Variants in OOSP1 observed in about 807,000 individuals in gnomAD.
The protein encoded by OOSP1 is putative oocyte-secreted protein 1 homolog.
In OOSP1, 11 loss-of-function variants were observed where a neutral mutation model predicts 5.7. The observed-to-expected ratio is 1.94, with a 90% confidence interval of 1.22 to 3.20. The LOEUF is 3.20. Among genes scored for constraint, OOSP1 ranks in the 30% most tolerant of loss-of-function variants. The probability of loss-of-function intolerance (pLI) is 0.00; values close to 1 mark genes in which losing one functional copy is unlikely to be tolerated. For missense variants in OOSP1, 83 were observed against 54.1 expected, an observed-to-expected ratio of 1.53 and a Z score of -1.67; for synonymous variants, 44 against 20.0, an observed-to-expected ratio of 2.20 and a Z score of -3.20.
chr11:59,940,836 C>A (rs987534570), intron 1 of OOSP1, among the ~76,000 whole-genome samples: 1 of 152,190 alleles, frequency 6.6e-6, no homozygotes, highest in Non-Finnish European at 1.5e-5. Flanking sequence ...ATTTAAGGAA[C>A]GTCTTATTTT....
intron 3 of OOSP1, among the ~76,000 whole-genome samples, 187 bp from the exon 4 acceptor site, chr11:59,947,546 C>A (rs570622206): frequency 2.0e-5 from 3 of 152,186 alleles, no homozygotes; most frequent in African/African-American, 7.2e-5. Flanking sequence ...TAAGTCTTTG[C>A]TTCTTAGCAC....
chr11:59,949,535 A>G (rs1033771302), intron 4 of OOSP1, among the ~76,000 whole-genome samples: 1 of 152,168 alleles, frequency 6.6e-6, no homozygotes, highest in Non-Finnish European at 1.5e-5. Flanking sequence ...CAGCTGATGT[A>G]AAGTCACTGA....
intron 1 of OOSP1, among the ~76,000 whole-genome samples, chr11:59,942,128 G>T (rs898007286): frequency 6.6e-6 from 1 of 152,050 alleles, no homozygotes; most frequent in Non-Finnish European, 1.5e-5. Context: ...TTTTCCTTTA[G>T]TGAAGTCTAG....
At chr11:59,942,759 T>A in intron 1 of OOSP1, 88 bp from the exon 2 acceptor site, 2 of 614,928 alleles carry the variant, frequency 3.3e-6, no homozygotes, top group Non-Finnish European at 5.8e-6. Flanking sequence ...GGATGATCTC[T>A]TCATTTGTAT....
rs190295744 is a variant in OOSP1 at position 59,942,870 on chromosome 11, T to G, written c.100T>G (p.Phe34Val). 4 of 702,772 alleles carry G rather than the reference T, an allele frequency of 5.7e-6. No individual in the cohort carries two copies. In the East Asian group the frequency reaches 1.1e-4, roughly 19 times the overall value. The allele number at this position is 702,772 out of a possible 1,614,324, so 43.5% of individuals were successfully genotyped here. A position where few individuals can be genotyped will look rare whatever the true frequency, so the allele number is the denominator to read the frequency against. The change falls in exon 2 of 5, where the codon TTT becomes GTT. Residue 34 changes from phenylalanine to valine, a missense_variant. By Grantham distance (50) the Phe-to-Val change is conservative. Transcript: ENST00000646685. Reference sequence around the variant, plus strand: ...AGCTATTCAAGTACACTGCACCCAGTTTTGGTTCTTTGCCAGGATTAAACC... The same window carrying G: ...AGCTATTCAAGTACACTGCACCCAGGTTTGGTTCTTTGCCAGGATTAAACC...
At chr11:59,940,816 CTGGT>C (rs1289221314) in intron 1 of OOSP1, among the ~76,000 whole-genome samples, 1 of 152,154 alleles carries the variant, frequency 6.6e-6, no homozygotes, top group African/African-American at 2.4e-5. Flanking sequence ...ATATGAATAA[CTGGT>C]TTTACATTTA....
chr11:59,939,745 T>C (rs1480547540), intron 1 of OOSP1, among the ~76,000 whole-genome samples: 1 of 151,842 alleles, frequency 6.6e-6, no homozygotes, highest in Non-Finnish European at 1.5e-5. Context: ...CTCTTTTTTC[T>C]TTTTCTCTTC....
intron 3 of OOSP1, among the ~76,000 whole-genome samples, chr11:59,946,236 C>T (rs928761384): frequency 5.9e-5 from 9 of 152,190 alleles, no homozygotes; most frequent in African/African-American, 1.4e-4. Context: ...ATCTAGGTTG[C>T]GCACTCCTTA....
intron 4 of OOSP1, 146 bp from the exon 5 acceptor site, chr11:59,957,049 T>C (rs1046506254): frequency 7.9e-6 from 3 of 381,346 alleles, no homozygotes; most frequent in Non-Finnish European, 1.4e-5. Context: ...TAACAGATCA[T>C]CTAATTTTAA....
chr11:59,954,958 A>C (rs1163622718), intron 4 of OOSP1, among the ~76,000 whole-genome samples: 2 of 152,060 alleles, frequency 1.3e-5, no homozygotes, highest in Admixed American at 6.6e-5. Context: ...TCAGAAATCA[A>C]GAATCCTTTT....
rs544604769 is a variant in OOSP1, at chr11:59,944,459, T to C, written c.259-710T>C. Among the ~76,000 whole-genome samples the C allele has an allele frequency of 7.2e-5, 11 of 152,258 alleles. No homozygotes were observed. In the South Asian group the frequency reaches 2.3e-3, roughly 32 times the overall value. On this transcript the variant is annotated intron_variant, in intron 2 of 4. Transcript: ENST00000646685. ...ATGCTTATATTTTCAAATTATCCAA[T>C]GAGAGCAGGATATATCTGAGACGGG...
intron 4 of OOSP1, among the ~76,000 whole-genome samples, chr11:59,955,807 A>AT (rs1853989405): frequency 6.6e-6 from 1 of 151,954 alleles, no homozygotes; most frequent in Non-Finnish European, 1.5e-5. Flanking sequence ...TAATCTTTGT[A>AT]TTTTTTGTAG....
chr11:59,950,047 G>A (rs887417813), intron 4 of OOSP1, among the ~76,000 whole-genome samples: 1 of 152,168 alleles, frequency 6.6e-6, no homozygotes, highest in Non-Finnish European at 1.5e-5. Flanking sequence ...CACTGAGGAT[G>A]AGAACCCTGG....
chr11:59,941,961 G>C (rs2134564167), intron 1 of OOSP1, among the ~76,000 whole-genome samples: 1 of 152,230 alleles, frequency 6.6e-6, no homozygotes, highest in African/African-American at 2.4e-5. Flanking sequence ...CATAATGGCT[G>C]ATGATATTAA....
intron 4 of OOSP1, among the ~76,000 whole-genome samples, chr11:59,952,415 A>T (rs1326840970): frequency 1.3e-5 from 2 of 152,190 alleles, no homozygotes; most frequent in African/African-American, 2.4e-5. Context: ...GGTAAAAAAA[A>T]ATGTGGTCCA....
intron 4 of OOSP1, among the ~76,000 whole-genome samples, chr11:59,951,897 A>T (rs78165957): frequency 0.021 from 3,247 of 151,642 alleles, 102 homozygotes; most frequent in African/African-American, 0.073. Context: ...GAATGCAAAA[A>T]TTCATCAGCC....
chr11:59,954,822 G>A (rs1387590965), intron 4 of OOSP1, among the ~76,000 whole-genome samples: 2 of 152,030 alleles, frequency 1.3e-5, no homozygotes, highest in Non-Finnish European at 2.9e-5. Flanking sequence ...AATTATCTGA[G>A]TATACCTCTA....
intron 4 of OOSP1, among the ~76,000 whole-genome samples, chr11:59,950,570 G>C (rs1853929827): frequency 6.6e-6 from 1 of 152,176 alleles, no homozygotes; most frequent in South Asian, 2.1e-4. Flanking sequence ...GGGGTCCTGG[G>C]AGCCGTGCAG....
intron 1 of OOSP1, among the ~76,000 whole-genome samples, chr11:59,941,018 A>G (rs1224870353): frequency 1.3e-5 from 2 of 152,208 alleles, no homozygotes; most frequent in Non-Finnish European, 2.9e-5. Flanking sequence ...TCAGGATGCC[A>G]CTTTTAGAGC....
Sources: gnomAD v4.1 joint callset for allele counts (sites outside exome capture counted in the v4.1 genomes callset) on GRCh38, gnomAD v4.1.1 for gene constraint, MANE v1.5 for transcripts, NCBI Gene and HGNC (gene_info 2026-07-23, HGNC 2026-07-21) for gene names.